The following SDC2 variants were observed in gnomAD, a reference collection of about 807,000 sequenced individuals.
SDC2 encodes syndecan 2.
A neutral mutation model predicts 22.2 loss-of-function variants in SDC2; 13 were observed. The observed-to-expected ratio is 0.59, with a 90% CI of 0.38 to 0.93. The LOEUF (loss-of-function observed/expected upper bound fraction) is 0.93, where lower values mean the gene tolerates loss of function less well. SDC2 is among the 40% of genes least tolerant of loss of function. The pLI is 0.00. For synonymous variants in SDC2, 94 were observed against 92.8 expected (o/e 1.01, Z -0.07); for missense variants, 235 against 246.8 (o/e 0.95, Z 0.32).
intron 1 of SDC2, among the ~76,000 whole-genome samples, chr8:96,527,187 A>G (rs1252727571): frequency 6.6e-6 from 1 of 152,148 alleles, no homozygotes; most frequent in Non-Finnish European, 1.5e-5. Context: ...CGTGGTGGGA[A>G]GAGAGACCGT....
chr8:96,503,982 A>C (rs1813203126), intron 1 of SDC2, among the ~76,000 whole-genome samples: 1 of 152,232 alleles, frequency 6.6e-6, no homozygotes, highest in African/African-American at 2.4e-5. Flanking sequence ...ACAGCAGTTT[A>C]TTAAAAGAAT....
chr8:96,573,635 T>TA (rs1012527791), intron 1 of SDC2, among the ~76,000 whole-genome samples: 69 of 152,198 alleles, frequency 4.5e-4, no homozygotes, highest in African/African-American at 1.5e-3. Context: ...TTACTTACTT[T>TA]AATACCATTG....
At chr8:96,531,390 G>A (rs905247419) in intron 1 of SDC2, among the ~76,000 whole-genome samples, 7 of 152,130 alleles carry the variant, frequency 4.6e-5, no homozygotes, top group African/African-American at 7.2e-5. Context: ...ATTAATATTA[G>A]TAAATTATAG....
At chr8:96,566,148 G>A (rs1048694776) in intron 1 of SDC2, among the ~76,000 whole-genome samples, 9 of 152,192 alleles carry the variant, frequency 5.9e-5, no homozygotes, top group African/African-American at 2.2e-4. Flanking sequence ...CAAACTGAAA[G>A]TTCTGGTGGT....
At chr8:96,593,448 AC>A in intron 1 of SDC2, 31 bp from the exon 2 acceptor site, 1 of 1,455,424 alleles carries the variant, frequency 6.9e-7, no homozygotes, top group Non-Finnish European at 9.6e-7. Context: ...TAATCTCTCA[AC>A]ATCCTGACTC....
chr8:96,545,145 T>C (rs1298620727), intron 1 of SDC2, among the ~76,000 whole-genome samples: 1 of 152,256 alleles, frequency 6.6e-6, no homozygotes, highest in Non-Finnish European at 1.5e-5. Flanking sequence ...GAACAGGTTT[T>C]AAGATTTTTA....
At chr8:96,601,882 C>T (rs1295878584) in intron 2 of SDC2, among the ~76,000 whole-genome samples, 2 of 151,596 alleles carry the variant, frequency 1.3e-5, no homozygotes, top group Admixed American at 6.6e-5. Flanking sequence ...CCTCAGCCTC[C>T]CGAGTAGCTG....
At chr8:96,538,390 CA>C (rs1813788270) in intron 1 of SDC2, among the ~76,000 whole-genome samples, 3 of 127,466 alleles carry the variant, frequency 2.4e-5, no homozygotes, top group Non-Finnish European at 5.5e-5. Context: ...CTATTTCAAA[CA>C]AAAGTACTAA....
At chr8:96,587,655 G>A (rs1221296125) in intron 1 of SDC2, among the ~76,000 whole-genome samples, 1 of 152,160 alleles carries the variant, frequency 6.6e-6, no homozygotes, top group Non-Finnish European at 1.5e-5. Context: ...TGTTAAGCCA[G>A]AACTCAAAAC....
At position 96,577,503 on chromosome 8, in the gene SDC2, C is replaced by T. The variant is rs537202200; in HGVS notation, c.61-15977C>T. Among the ~76,000 whole-genome samples, 73 of 152,188 alleles carry T rather than the reference C, an allele frequency of 4.8e-4. 1 individual carries two copies. Among genetic ancestry groups the T allele is most frequent in the African/African-American group, 1.8e-3 (73 of 41,518 alleles). ...ATACCCCCCATGCATTCCCCCATTT[C>T]ACCTCTTACTGTATACTAACATATC... On this transcript the variant is annotated intron_variant, in intron 1 of 4. Transcript: ENST00000302190.
At chr8:96,589,620 AGGCT>A (rs1053705968) in intron 1 of SDC2, among the ~76,000 whole-genome samples, 1 of 152,232 alleles carries the variant, frequency 6.6e-6, no homozygotes, top group African/African-American at 2.4e-5. Context: ...CATGTTGGCC[AGGCT>A]GGTCTCAAAC....
At chr8:96,514,766 A>G (rs936182738) in intron 1 of SDC2, among the ~76,000 whole-genome samples, 2 of 151,986 alleles carry the variant, frequency 1.3e-5, no homozygotes, top group Admixed American at 1.3e-4. Flanking sequence ...TGTAATTCAC[A>G]GGGGTTTGCA....
chr8:96,579,716 A>G (rs1225322489), intron 1 of SDC2, among the ~76,000 whole-genome samples: 1 of 152,244 alleles, frequency 6.6e-6, no homozygotes, highest in Non-Finnish European at 1.5e-5. Flanking sequence ...CAGAGTTTTA[A>G]TCAGTATTTA....
chr8:96,512,340 A>G (rs908746865), intron 1 of SDC2, among the ~76,000 whole-genome samples: 11 of 152,230 alleles, frequency 7.2e-5, no homozygotes, highest in Non-Finnish European at 1.6e-4. Context: ...GGCAACTTCA[A>G]GTTAACAGCC....
chr8:96,564,643 G>A (rs141707816), intron 1 of SDC2, among the ~76,000 whole-genome samples: 130 of 152,228 alleles, frequency 8.5e-4, no homozygotes, highest in African/African-American at 2.8e-3. Flanking sequence ...CCTATGATAC[G>A]TTTTATTTGG....
chr8:96,529,484 G>A (rs947248534), intron 1 of SDC2, among the ~76,000 whole-genome samples: 11 of 152,298 alleles, frequency 7.2e-5, no homozygotes, highest in African/African-American at 2.2e-4. Flanking sequence ...CCATGAGTAC[G>A]AGTGACGGCT....
intron 1 of SDC2, among the ~76,000 whole-genome samples, chr8:96,519,047 A>G (rs1813453510): frequency 1.3e-5 from 2 of 152,024 alleles, no homozygotes; most frequent in African/African-American, 4.8e-5. Flanking sequence ...CCATCCAGAC[A>G]CTCCCACTAC....
chr8:96,578,865 G>T (rs1019899941), intron 1 of SDC2, among the ~76,000 whole-genome samples: 2 of 152,192 alleles, frequency 1.3e-5, no homozygotes, highest in Non-Finnish European at 2.9e-5. Context: ...TGGGGTGGGT[G>T]TGGAAAGGGA....
intron 1 of SDC2, among the ~76,000 whole-genome samples, chr8:96,526,463 C>T (rs1408407461): frequency 6.6e-6 from 1 of 152,188 alleles, no homozygotes; most frequent in Non-Finnish European, 1.5e-5. Context: ...GAAACTTCTT[C>T]TCTCCCTCCT....
Sources: allele counts gnomAD v4.1 joint callset (sites outside exome capture counted in the v4.1 genomes callset), GRCh38; gene constraint gnomAD v4.1.1; transcripts MANE v1.5; gene names NCBI Gene and HGNC (gene_info 2026-07-23, HGNC 2026-07-21).